The following DNAI3 variants were observed in gnomAD, a reference collection of about 807,000 sequenced individuals.
DNAI3 encodes the protein WD repeat domain 63.
A neutral mutation model predicts 115.5 loss-of-function variants in DNAI3; 83 were observed. The observed-to-expected ratio is 0.72, with a 90% confidence interval of 0.60 to 0.86. The LOEUF is 0.86. DNAI3 is among the 40% of genes least tolerant of loss of function. The pLI is 0.00. For missense variants in DNAI3, 1,004 were observed against 1,075.8 expected (o/e 0.93, Z 0.93); for synonymous variants, 320 against 347.0 (o/e 0.92, Z 0.86).
intron 5 of DNAI3, among the ~76,000 whole-genome samples, chr1:85,083,333 A>G (rs1204187156): frequency 6.6e-6 from 1 of 152,040 alleles, no homozygotes; most frequent in Non-Finnish European, 1.5e-5. Context: ...CAAAAAATAA[A>G]AATATTAGCC....
chr1:85,094,144 C>T (rs756706348), intron 9 of DNAI3: 48 of 435,982 alleles, frequency 1.1e-4, no homozygotes, highest in Non-Finnish European at 1.8e-4. Context: ...GCCCTTTTCT[C>T]ACAAAAAAGA....
At chr1:85,125,186 T>A (rs1049555740) in intron 19 of DNAI3, among the ~76,000 whole-genome samples, 2 of 152,146 alleles carry the variant, frequency 1.3e-5, no homozygotes, top group African/African-American at 4.8e-5. Flanking sequence ...CATGTCTCTT[T>A]GATGAGCAAT....
intron 3 of DNAI3, among the ~76,000 whole-genome samples, chr1:85,080,046 C>CTTTTTTTTTT (rs35938324): frequency 1.9e-4 from 13 of 68,370 alleles, no homozygotes; most frequent in Admixed American, 4.0e-4. Flanking sequence ...TTTTCTTTTT[C>CTTTTTTTTTT]TTTTTTTTTT....
chr1:85,064,124 T>A (rs1335758782), intron 1 of DNAI3, among the ~76,000 whole-genome samples: 4 of 152,234 alleles, frequency 2.6e-5, no homozygotes, highest in Non-Finnish European at 5.9e-5. Context: ...CCATATAATC[T>A]GTCTTCTTTG....
intron 16 of DNAI3, among the ~76,000 whole-genome samples, chr1:85,113,670 G>A (rs962085931): frequency 6.6e-6 from 1 of 151,576 alleles, no homozygotes; most frequent in African/African-American, 2.4e-5. Context: ...GTTTTTGACT[G>A]TTGTAAGTTT....
At chr1:85,092,788 T>C (rs911604828) in intron 8 of DNAI3, among the ~76,000 whole-genome samples, 1 of 126,576 alleles carries the variant, frequency 7.9e-6, no homozygotes, top group African/African-American at 2.9e-5. Flanking sequence ...TTGTGACAAC[T>C]AAAACTACAC....
At chr1:85,086,090 C>G in intron 7 of DNAI3, 60 bp downstream of exon 7, 1 of 1,480,964 alleles carries the variant, frequency 6.8e-7, no homozygotes, top group Non-Finnish European at 9.3e-7. Flanking sequence ...CTAGTAACTT[C>G]CATTATTATT....
chr1:85,091,189 A>C (rs769155792), intron 8 of DNAI3, among the ~76,000 whole-genome samples: 1 of 152,136 alleles, frequency 6.6e-6, no homozygotes, highest in Non-Finnish European at 1.5e-5. Flanking sequence ...CCCTTATCAA[A>C]ATTTAGTAGT....
intron 1 of DNAI3, among the ~76,000 whole-genome samples, chr1:85,069,899 G>T (rs1654214644): frequency 6.6e-6 from 1 of 152,190 alleles, no homozygotes; most frequent in Admixed American, 6.5e-5. Flanking sequence ...AGTTGAGTCA[G>T]ATCCATTCAT....
At chr1:85,118,715 C>G (rs1159241597) in intron 17 of DNAI3, among the ~76,000 whole-genome samples, 1 of 152,112 alleles carries the variant, frequency 6.6e-6, no homozygotes, top group Non-Finnish European at 1.5e-5. Context: ...TCCCTCTCTC[C>G]TCAAGGCACT....
intron 16 of DNAI3, among the ~76,000 whole-genome samples, chr1:85,114,671 A>C (rs1655763354): frequency 6.6e-6 from 1 of 152,216 alleles, no homozygotes; most frequent in Admixed American, 6.5e-5. Context: ...ACTGCCGACT[A>C]TCCGCCCATT....
chr1:85,068,549 CT>C (rs1379253823), intron 1 of DNAI3, among the ~76,000 whole-genome samples: 4 of 152,296 alleles, frequency 2.6e-5, no homozygotes, highest in Non-Finnish European at 5.9e-5. Context: ...TTGCTGCAGT[CT>C]TTTCTCAACA....
At chr1:85,064,054 G>A (rs67628430) in intron 1 of DNAI3, among the ~76,000 whole-genome samples, 27,126 of 152,026 alleles carry the variant, frequency 0.18, 3,104 homozygotes, top group South Asian at 0.27. Context: ...GTTATTTAAC[G>A]TGTTAATAAA....
chr1:85,114,116 G>A (rs12044946), intron 16 of DNAI3, among the ~76,000 whole-genome samples: 10,643 of 149,866 alleles, frequency 0.071, 525 homozygotes, highest in East Asian at 0.16. Flanking sequence ...GAGTTCAGGT[G>A]ATTCTCCTGC....
chr1:85,118,208 T>C (rs1411423035), intron 17 of DNAI3, among the ~76,000 whole-genome samples: 1 of 152,186 alleles, frequency 6.6e-6, no homozygotes, highest in Non-Finnish European at 1.5e-5. Flanking sequence ...TAACACAATC[T>C]AGTAGAAGAG....
chr1:85,087,329 G>A (rs920173443), intron 7 of DNAI3, among the ~76,000 whole-genome samples: 1 of 151,252 alleles, frequency 6.6e-6, no homozygotes, highest in Non-Finnish European at 1.5e-5. Flanking sequence ...CCAGCTACTT[G>A]GGAGGCTGAG....
At chr1:85,108,542 A>C (rs1188481297) in intron 15 of DNAI3, among the ~76,000 whole-genome samples, 1 of 152,174 alleles carries the variant, frequency 6.6e-6, no homozygotes, top group Non-Finnish European at 1.5e-5. Flanking sequence ...GCAGAAAAAC[A>C]TTTCAGTCAT....
chr1:85,109,044 G>A (rs1005823734), intron 15 of DNAI3, among the ~76,000 whole-genome samples: 14 of 152,246 alleles, frequency 9.2e-5, no homozygotes, highest in South Asian at 6.2e-4. Context: ...CCTTCTGTAC[G>A]TTTTTTGGGA....
At chr1:85,099,211 G>A in intron 13 of DNAI3, 1 of 982,182 alleles carries the variant, frequency 1.0e-6, no homozygotes, top group Non-Finnish European at 1.2e-6. Flanking sequence ...TATAAATTTG[G>A]AAACTGGCAA....
Sources: allele counts gnomAD v4.1 joint callset (sites outside exome capture counted in the v4.1 genomes callset), GRCh38; gene constraint gnomAD v4.1.1; transcripts MANE v1.5; gene names NCBI Gene and HGNC (gene_info 2026-07-23, HGNC 2026-07-21).